Variants in LSM4 observed in about 807,000 individuals in gnomAD.
LSM4 encodes the protein U6 snRNA-associated Sm-like protein LSm4.
LSM4 carries 15 observed loss-of-function variants against 22.3 expected under a neutral mutation model. The ratio of observed to expected loss-of-function variants is 0.67; its 90% CI spans 0.45 to 1.03. LSM4 has a LOEUF of 1.03. Ranked by LOEUF, LSM4 falls within the 50% of genes least tolerant of loss-of-function variation. The pLI is 0.00. For synonymous variants in LSM4, 90 were observed against 79.8 expected (o/e 1.13, Z -0.68); for missense variants, 127 against 198.0 (o/e 0.64, Z 2.15).
intron 1 of LSM4, among the ~76,000 whole-genome samples, chr19:18,318,322 A>G (rs895527026): frequency 6.6e-6 from 1 of 152,234 alleles, no homozygotes; most frequent in Non-Finnish European, 1.5e-5. Context: ...CTTCCTGAGA[A>G]GAGCTGCCCA....
intron 3 of LSM4, 177 bp downstream of exon 3, chr19:18,312,427 C>T (rs972165081): frequency 7.4e-5 from 41 of 556,446 alleles, no homozygotes; most frequent in Middle Eastern, 4.7e-4. Flanking sequence ...CCAGGGCACA[C>T]TGGGAGACTT....
chr19:18,312,518 C>T, intron 3 of LSM4, 86 bp downstream of exon 3: 1 of 1,167,132 alleles, frequency 8.6e-7, no homozygotes, highest in Non-Finnish European at 1.3e-6. Flanking sequence ...CCCCCACTGA[C>T]TCCTCCCATG....
chr19:18,322,118 G>A (rs1257729818), intron 1 of LSM4, among the ~76,000 whole-genome samples: 1 of 152,166 alleles, frequency 6.6e-6, no homozygotes, highest in East Asian at 1.9e-4. Flanking sequence ...CCGGATTTAG[G>A]GAGAGTTCTC....
chr19:18,310,755 C>T (rs1453433611), intron 3 of LSM4, among the ~76,000 whole-genome samples: 1 of 152,188 alleles, frequency 6.6e-6, no homozygotes, highest in Non-Finnish European at 1.5e-5. Context: ...ACCCAGGGCC[C>T]CCTCCAGCCT....
intron 2 of LSM4, among the ~76,000 whole-genome samples, chr19:18,315,086 C>G (rs540747835): frequency 3.3e-5 from 5 of 151,968 alleles, no homozygotes; most frequent in Non-Finnish European, 2.9e-5. Context: ...GGGGTTTCAC[C>G]GTGTTAGCCA....
intron 4 of LSM4, among the ~76,000 whole-genome samples, chr19:18,308,945 C>A (rs1373885316): frequency 6.6e-6 from 1 of 152,178 alleles, no homozygotes; most frequent in African/African-American, 2.4e-5. Flanking sequence ...CTAGGTAGGA[C>A]CCGACCCACT....
chr19:18,308,165 G>C (rs560431555), intron 4 of LSM4, among the ~76,000 whole-genome samples: 3 of 152,172 alleles, frequency 2.0e-5, no homozygotes, highest in African/African-American at 7.2e-5. Context: ...GAGGTGACAG[G>C]GGGTTCCCGG....
intron 1 of LSM4, among the ~76,000 whole-genome samples, chr19:18,322,192 G>A (rs1453445064): frequency 6.6e-6 from 1 of 152,120 alleles, no homozygotes; most frequent in Non-Finnish European, 1.5e-5. Flanking sequence ...ATCTCCCACT[G>A]TCTCACAGAG....
chr19:18,312,747 T>G, intron 2 of LSM4, 45 bp from the exon 3 acceptor site: 3 of 1,428,996 alleles, frequency 2.1e-6, no homozygotes, highest in Non-Finnish European at 3.0e-6. Context: ...CCTGGAGCCC[T>G]GCGCCATGGG....
rs554902786 is a variant in LSM4, at chr19:18,307,968, G to A, written c.329-413C>T. Among the ~76,000 whole-genome samples the A allele has an allele frequency of 1.3e-4, 19 of 151,982 alleles. No homozygotes were observed. In the East Asian group the frequency reaches 1.9e-3, roughly 16 times the overall value. ...CTGGCGGGGGGGGGGCCTCCTATGC[G>A]CCACAACCACCCACAGCCCCTCATC... On this transcript the variant is annotated intron_variant, in intron 4 of 4. Coordinates refer to ENST00000593829, the MANE Select transcript of LSM4 (RefSeq NM_012321.5).
Position 18,317,291 on chromosome 19 carries a change from G to A in LSM4, c.4-1226C>T, listed in dbSNP as rs1043469838. Among the ~76,000 whole-genome samples the A allele has an allele frequency of 2.0e-5, 3 of 151,460 alleles. No homozygotes were observed. In the South Asian group the frequency reaches 6.3e-4, roughly 32 times the overall value. On this transcript the variant is annotated intron_variant, in intron 1 of 4. Transcript: ENST00000593829. Reference sequence around the variant, plus strand: ...CTTGCCTGGTCCTCCCAAAGGGCTGGGGTAACAGCATTGAGCCATCACCCC... The same window carrying A: ...CTTGCCTGGTCCTCCCAAAGGGCTGAGGTAACAGCATTGAGCCATCACCCC...
intron 1 of LSM4, among the ~76,000 whole-genome samples, chr19:18,319,686 C>T (rs193245963): frequency 1.4e-4 from 22 of 152,358 alleles, no homozygotes; most frequent in African/African-American, 5.3e-4. Flanking sequence ...CACACCCATT[C>T]CTGCCACCTG....
At chr19:18,315,605 G>C (rs1200387459) in intron 2 of LSM4, among the ~76,000 whole-genome samples, 1 of 152,070 alleles carries the variant, frequency 6.6e-6, no homozygotes, top group African/African-American at 2.4e-5. Context: ...GCAGTGGTAT[G>C]ATCATAGCTC....
chr19:18,312,563 A>AC (rs747813047), intron 3 of LSM4, 41 bp downstream of exon 3: 52 of 1,540,372 alleles, frequency 3.4e-5, no homozygotes, highest in Non-Finnish European at 4.4e-5. Context: ...CTGAGTGTGC[A>AC]CCCCCTGCAT....
intron 2 of LSM4, among the ~76,000 whole-genome samples, chr19:18,314,245 T>G (rs1970328148): frequency 6.6e-6 from 1 of 151,786 alleles, no homozygotes. Flanking sequence ...AAACAAAATG[T>G]AGGCCGGGCG....
intron 2 of LSM4, among the ~76,000 whole-genome samples, chr19:18,315,580 C>T (rs35264652): frequency 5.9e-4 from 90 of 152,202 alleles, no homozygotes; most frequent in South Asian, 1.7e-3. Context: ...TTCACTCTGT[C>T]GCTCAGACTG....
rs1385463035 is a variant in LSM4, at chr19:18,309,713, T to G, written c.293A>C (p.Gln98Pro). The change falls in exon 4 of 5, where the codon CAG becomes CCG. Residue 98 changes from glutamine (Q) to proline (P), a missense_variant. Gln to Pro is a moderately conservative substitution (Grantham distance 76). Transcript: ENST00000593829. The part of the protein sequence containing the change: ...RGRGGLQQQK[Q>P]QKGRGMGGAG... Reference sequence around the variant, plus strand: ...GCCGCCCATGCCGCGGCCTTTCTGCTGCTTCTGCTGCTGCAGGCCTCCGCG... The same window carrying G: ...GCCGCCCATGCCGCGGCCTTTCTGCGGCTTCTGCTGCTGCAGGCCTCCGCG... The G allele has an allele frequency of 1.2e-6, 2 of 1,610,714 alleles. No individual in the cohort carries two copies. Among genetic ancestry groups the G allele is most frequent in the Non-Finnish European group, 1.7e-6 (2 of 1,178,878 alleles).
At chr19:18,318,923 C>T (rs754677697) in intron 1 of LSM4, among the ~76,000 whole-genome samples, 20 of 152,240 alleles carry the variant, frequency 1.3e-4, no homozygotes, top group Admixed American at 4.6e-4. Context: ...ATCCAAAAAG[C>T]AGCAGAAAGA....
chr19:18,309,898 G>A (rs200691217), intron 3 of LSM4, 37 bp from the exon 4 acceptor site: 60 of 1,598,966 alleles, frequency 3.8e-5, no homozygotes, highest in Admixed American at 7.0e-5. Context: ...ACTTACCACC[G>A]GGCCGTCTGG....
Sources: gnomAD v4.1 joint callset for allele counts (sites outside exome capture counted in the v4.1 genomes callset) on GRCh38, gnomAD v4.1.1 for gene constraint, MANE v1.5 for transcripts, NCBI Gene and HGNC (gene_info 2026-07-23, HGNC 2026-07-21) for gene names.